The following DYSF variants were observed in gnomAD, a reference collection of about 807,000 sequenced individuals.
The protein encoded by DYSF is dystrophy-associated fer-1-like 1.
DYSF carries 212 observed loss-of-function variants against 274.9 expected under a neutral mutation model. That is an observed-to-expected ratio of 0.77 (90% CI 0.69 to 0.86). The LOEUF (loss-of-function observed/expected upper bound fraction) is 0.86. DYSF is among the 40% of genes least tolerant of loss of function. DYSF has a pLI of 0.00. For synonymous variants in DYSF, 1,091 were observed against 1,078.7 expected (o/e 1.01, Z -0.22); for missense variants, 2,666 against 2,783.2 (o/e 0.96, Z 0.95).
chr2:71,545,381 A>G (rs1173260370), intron 17 of DYSF, among the ~76,000 whole-genome samples: 2 of 152,110 alleles, frequency 1.3e-5, no homozygotes, highest in Non-Finnish European at 2.9e-5. Context: ...GGAACTTTGG[A>G]CTAGTCCCAG....
rs17718530 is a variant in DYSF, at chr2:71,679,148, A to G, written c.5976A>G (p.Pro1992=). Residue 1992 remains proline, a synonymous_variant, in exon 53 of 56, where the codon CCA becomes CCG. Transcript: ENST00000410020. ...SLDQLDDAFH[P]EWFVSLFEQK... is the part of the protein sequence containing the mutation. ...ACCAGCTGGATGATGCTTTCCACCCAGAATGGTTTGTGTCCCTTTTTGAGC... is the reference window on the plus strand; with the variant it reads ...ACCAGCTGGATGATGCTTTCCACCCGGAATGGTTTGTGTCCCTTTTTGAGC... 4 of 1,613,874 alleles carry G rather than the reference A, an allele frequency of 2.5e-6. No homozygotes were observed. The highest frequency in any genetic ancestry group is 2.2e-5 in the South Asian group (2 of 91,066).
In DYSF at chr2:71,518,422, G is replaced by GTTTTT. The variant is rs573031688; in HGVS notation, c.1002+1394_1002+1398dup. Among the ~76,000 whole-genome samples the GTTTTT allele has an allele frequency of 2.0e-3, 275 of 136,074 alleles. 1 individual carries two copies. Among genetic ancestry groups the GTTTTT allele is most frequent in the African/African-American group, 4.2e-3 (155 of 37,032 alleles). 89.3% of individuals were successfully genotyped at this position (136,074 alleles called of 152,430 possible). The stretch of plus-strand genomic sequence containing the variant: ...GAGGCGTGTGCTACCACGCCTGGCA[G>GTTTTT]TTTTTTTTTTTTTTTGGTATTTTTA... On this transcript the variant is annotated intron_variant, in intron 10 of 55. Transcript: ENST00000410020.
At chr2:71,601,629 C>T in intron 35 of DYSF, 101 bp downstream of exon 35, 9 of 1,510,048 alleles carry the variant, frequency 6.0e-6, no homozygotes, top group Non-Finnish European at 7.4e-6. Context: ...TTACCGCGAT[C>T]CTGCCTCAAG....
chr2:71,589,692 T>C lies in DYSF; in HGVS notation c.3496+6T>C. ...GATTTCCTGCATATTCGACTGTAAG[T>C]GAGGCTTCGAGGCCTCTATGGGGTG... On this transcript the variant is annotated splice_donor_region_variant and intron_variant, in intron 31 of 55. Transcript: ENST00000410020. The C allele has an allele frequency of 6.2e-7, 1 of 1,613,668 alleles. No homozygotes were observed. Among genetic ancestry groups the C allele is most frequent in the Non-Finnish European group, 8.5e-7 (1 of 1,179,570 alleles).
chr2:71,569,434 C>CT (rs935423305), intron 26 of DYSF, among the ~76,000 whole-genome samples: 3 of 152,076 alleles, frequency 2.0e-5, no homozygotes, highest in Non-Finnish European at 2.9e-5. Context: ...TGGTGTTTAA[C>CT]TTTTTTTTAC....
In DYSF at chr2:71,597,291, A is replaced by G. The variant is rs557199274; in HGVS notation, c.3575-1273A>G. Among the ~76,000 whole-genome samples the G allele has an allele frequency of 5.3e-5, 8 of 152,288 alleles. No individual in the cohort carries two copies. The East Asian group carries it at 9.7e-4, about 18-fold the overall frequency. On this transcript the variant is annotated intron_variant, in intron 32 of 55. Transcript: ENST00000410020. Reference sequence around the variant, plus strand: ...CTCAGAGGGCACAGGCCATTGCAGGATGGAGTAGGGTGCCAAGGGTATTGA... The same window carrying G: ...CTCAGAGGGCACAGGCCATTGCAGGGTGGAGTAGGGTGCCAAGGGTATTGA...
rs1010747541 is a variant in DYSF at position 71,543,626 on chromosome 2, G to C, written c.1576+4387G>C. On this transcript the variant is annotated intron_variant, in intron 17 of 55. Coordinates refer to ENST00000410020, the MANE Select transcript of DYSF (RefSeq NM_001130987.2). ...TGCAATCCCAGCACCTCAGGAGGCG[G>C]AGGCTGGCAGATCACTCGCGGTTAG... Among the ~76,000 whole-genome samples the C allele has an allele frequency of 2.0e-4, 30 of 152,240 alleles. 1 individual carries two copies. The highest frequency in any genetic ancestry group is 4.4e-4 in the Non-Finnish European group (30 of 68,040).
chr2:71,667,993 C>T (rs1050046744), intron 48 of DYSF, among the ~76,000 whole-genome samples: 5 of 151,996 alleles, frequency 3.3e-5, no homozygotes, highest in African/African-American at 4.8e-5. Flanking sequence ...AATCCTCCCA[C>T]GCTGAAGGGC....
At chr2:71,596,878 C>T (rs376627172) in intron 32 of DYSF, among the ~76,000 whole-genome samples, 13 of 152,330 alleles carry the variant, frequency 8.5e-5, no homozygotes, top group African/African-American at 3.1e-4. Flanking sequence ...GAGTCCGCCC[C>T]TTAACTTAGA....
intron 30 of DYSF, among the ~76,000 whole-genome samples, chr2:71,587,846 T>G (rs1435440114): frequency 6.6e-6 from 1 of 152,112 alleles, no homozygotes; most frequent in Non-Finnish European, 1.5e-5. Flanking sequence ...GTGGTGGAAG[T>G]CAGAGCCCAC....
intron 14 of DYSF, among the ~76,000 whole-genome samples, chr2:71,532,557 G>C (rs889344705): frequency 1.3e-5 from 2 of 152,234 alleles, no homozygotes; most frequent in African/African-American, 2.4e-5. Context: ...GCTGGCTGGG[G>C]TGTGGCAGAT....
At chr2:71,547,089 T>C (rs182105011) in intron 17 of DYSF, among the ~76,000 whole-genome samples, 3 of 152,232 alleles carry the variant, frequency 2.0e-5, no homozygotes, top group Non-Finnish European at 4.4e-5. Context: ...GAAAACACAA[T>C]AAAACACTTG....
chr2:71,681,164 C>T, intron 54 of DYSF, 54 bp downstream of exon 54: 1 of 1,543,392 alleles, frequency 6.5e-7, no homozygotes, highest in Non-Finnish European at 8.9e-7. Flanking sequence ...GTATAGGCCA[C>T]AGTCCAGGAG....
intron 14 of DYSF, among the ~76,000 whole-genome samples, chr2:71,528,936 C>A (rs377040223): frequency 3.3e-5 from 5 of 152,148 alleles, no homozygotes; most frequent in African/African-American, 1.2e-4. Context: ...AGGCTGCCCA[C>A]CCCCCAGTGT....
rs971254530 is a variant in DYSF at position 71,520,681 on chromosome 2, C to A, written c.1034-108C>A. The stretch of plus-strand genomic sequence containing the variant: ...TCTGAGTCCTGAGCTCATGGCCCAG[C>A]GGATGAGTCCTTTACCTCCCCTGTG... On this transcript the variant is annotated intron_variant, in intron 11 of 55. Coordinates refer to ENST00000410020, the MANE Select transcript of DYSF (RefSeq NM_001130987.2). The A allele has an allele frequency of 6.7e-6, 6 of 902,032 alleles. No individual in the cohort carries two copies. In the East Asian group the frequency reaches 1.2e-4, roughly 18 times the overall value. The allele number at this position is 902,032 out of a possible 1,614,324, so 55.9% of individuals were successfully genotyped here. A position where few individuals can be genotyped will look rare whatever the true frequency, so the allele number is the denominator to read the frequency against.
At chr2:71,467,409 T>C (rs2152644800) in intron 1 of DYSF, among the ~76,000 whole-genome samples, 1 of 152,240 alleles carries the variant, frequency 6.6e-6, no homozygotes, top group African/African-American at 2.4e-5. Flanking sequence ...CCCGTCTTAA[T>C]CAGTAGGAAA....
chr2:71,659,033 G>A lies in DYSF; in HGVS notation c.4911G>A (p.Lys1637=), dbSNP rs141704244. The A allele has an allele frequency of 2.7e-5, 44 of 1,613,984 alleles. No individual in the cohort carries two copies. In the South Asian group the frequency reaches 4.3e-4, roughly 16 times the overall value. The part of the protein sequence containing the change: ...FGLQPKDPNG[K]CDPYIKISIG... ...TGCAGCCCAAGGACCCCAATGGAAA[G>A]GTAACTTTCCTAGAGCCCTCACCTC... The change falls in exon 44 of 56, where the codon AAG becomes AAA. Residue 1637 remains lysine (K), a splice_region_variant and synonymous_variant. Coordinates refer to ENST00000410020, the MANE Select transcript of DYSF (RefSeq NM_001130987.2).
In DYSF at chr2:71,682,378, G is replaced by A. The variant is rs2095307018; in HGVS notation, c.6174-152G>A. 3 of 913,942 alleles carry A rather than the reference G, an allele frequency of 3.3e-6. No individual in the cohort carries two copies. In the East Asian group the frequency reaches 7.5e-5, roughly 23 times the overall value. 56.6% of individuals were successfully genotyped at this position (913,942 alleles called of 1,614,324 possible). A position where few individuals can be genotyped will look rare whatever the true frequency, so the allele number is the denominator to read the frequency against. Reference sequence around the variant, plus strand: ...AGGGCTTGGGGGAGAGGGAATGCAAGGTGCAAAGGGCTAGTTTAGGGACAG... The same window carrying A: ...AGGGCTTGGGGGAGAGGGAATGCAAAGTGCAAAGGGCTAGTTTAGGGACAG... On this transcript the variant is annotated intron_variant, in intron 54 of 55. Coordinates refer to ENST00000410020, the MANE Select transcript of DYSF (RefSeq NM_001130987.2).
intron 3 of DYSF, among the ~76,000 whole-genome samples, chr2:71,493,864 AAAAAAAAAAAG>A (rs1324888903): frequency 2.0e-5 from 3 of 150,188 alleles, no homozygotes; most frequent in African/African-American, 7.3e-5. Context: ...AAAAAAAAAA[AAAAAAAAAAAG>A]AAAGAAAGAA....
Sources: allele counts gnomAD v4.1 joint callset (sites outside exome capture counted in the v4.1 genomes callset), GRCh38; gene constraint gnomAD v4.1.1; transcripts MANE v1.5; gene names NCBI Gene and HGNC (gene_info 2026-07-23, HGNC 2026-07-21).